Variants in GPR139 observed in about 807,000 individuals in gnomAD.
GPR139 encodes probable G protein-coupled receptor 139.
GPR139 carries 12 observed loss-of-function variants against 25.8 expected under a neutral mutation model. The ratio of observed to expected loss-of-function variants is 0.47; its 90% CI spans 0.30 to 0.75. The LOEUF is 0.75. Among genes scored for constraint, GPR139 ranks in the 30% least tolerant of loss-of-function variants. GPR139 has a pLI of 0.07. For missense variants in GPR139, 380 were observed against 450.2 expected, an observed-to-expected ratio of 0.84 and a Z score of 1.41; for synonymous variants, 184 against 179.9, an observed-to-expected ratio of 1.02 and a Z score of -0.18.
chr16:20,065,827 C>T (rs547365202), intron 1 of GPR139, among the ~76,000 whole-genome samples: 7 of 149,490 alleles, frequency 4.7e-5, no homozygotes, highest in Admixed American at 2.0e-4. Flanking sequence ...GAGCTGAAAT[C>T]GCGCCACTGC....
At position 20,042,364 on chromosome 16, in the gene GPR139, G is replaced by A. The variant is rs148483787; in HGVS notation, c.128-9695C>T. Among the ~76,000 whole-genome samples, 1,335 of 152,230 alleles carry A rather than the reference G, an allele frequency of 8.8e-3. 24 individuals are homozygous for A. The highest frequency in any genetic ancestry group is 0.031 in the African/African-American group (1,267 of 41,518). On this transcript the variant is annotated intron_variant, in intron 1 of 1. Coordinates refer to ENST00000570682, the MANE Select transcript of GPR139 (RefSeq NM_001002911.4). ...GCAAAGATGAGTAGGAGAGAGTCAA[G>A]CTCTCAAGGAATCCCAGCAAAGATT...
At chr16:20,032,729 T>C in intron 1 of GPR139, 60 bp from the exon 2 acceptor site, 1 of 1,291,778 alleles carries the variant, frequency 7.7e-7, no homozygotes, top group Non-Finnish European at 1.1e-6. Flanking sequence ...TTGGCTCCTA[T>C]GGGGGCCCTA....
intron 1 of GPR139, among the ~76,000 whole-genome samples, chr16:20,036,481 A>G (rs942001528): frequency 1.9e-4 from 29 of 152,228 alleles, no homozygotes; most frequent in Non-Finnish European, 3.5e-4. Context: ...TAATTGACTC[A>G]CAGTTCCACC....
intron 1 of GPR139, among the ~76,000 whole-genome samples, chr16:20,052,074 C>G (rs2057374171): frequency 6.6e-6 from 1 of 152,228 alleles, no homozygotes; most frequent in Admixed American, 6.5e-5. Context: ...CATATGTGGG[C>G]TGAAAGAAAC....
At chr16:20,038,272 C>CTA (rs905396834) in intron 1 of GPR139, among the ~76,000 whole-genome samples, 4 of 150,182 alleles carry the variant, frequency 2.7e-5, no homozygotes, top group South Asian at 2.1e-4. Flanking sequence ...AGAAAAAGTG[C>CTA]TATATATATA....
At chr16:20,060,394 G>A (rs1420139283) in intron 1 of GPR139, among the ~76,000 whole-genome samples, 2 of 151,874 alleles carry the variant, frequency 1.3e-5, no homozygotes, top group East Asian at 1.9e-4. Flanking sequence ...GTCTATATGT[G>A]TGTGTGTCTC....
At chr16:20,055,018 G>A (rs2057384198) in intron 1 of GPR139, among the ~76,000 whole-genome samples, 2 of 152,260 alleles carry the variant, frequency 1.3e-5, no homozygotes, top group African/African-American at 4.8e-5. Flanking sequence ...GTGAACCACT[G>A]TGCCCAGCCC....
At chr16:20,055,576 A>G (rs2057386101) in intron 1 of GPR139, among the ~76,000 whole-genome samples, 1 of 152,230 alleles carries the variant, frequency 6.6e-6, no homozygotes, top group Non-Finnish European at 1.5e-5. Flanking sequence ...TCCTTTCAGA[A>G]AAAACAGTTA....
chr16:20,066,632 G>A (rs1359263593), intron 1 of GPR139, among the ~76,000 whole-genome samples: 1 of 152,180 alleles, frequency 6.6e-6, no homozygotes, highest in East Asian at 1.9e-4. Flanking sequence ...AAAACAATGC[G>A]AGTTACTATT....
chr16:20,072,527 T>C (rs1045102989), intron 1 of GPR139, among the ~76,000 whole-genome samples: 1 of 152,144 alleles, frequency 6.6e-6, no homozygotes, highest in Non-Finnish European at 1.5e-5. Context: ...AAGTAATCTT[T>C]AGGGATCTAT....
rs1370129400 is a variant in GPR139 at position 20,030,380 on chromosome 16, T to A, written c.*1355A>T. ...AATACTGGGAATCTGAGGGAGAAGT[T>A]AAAAAAAAAAGAAGAAAAAAGAAAC... On this transcript the variant is annotated 3_prime_UTR_variant, in exon 2 of 2. Transcript: ENST00000570682. Among the ~76,000 whole-genome samples the A allele has an allele frequency of 6.8e-6, 1 of 147,204 alleles. No homozygotes were observed. The highest frequency in any genetic ancestry group is 1.5e-5 in the Non-Finnish European group (1 of 66,504).
intron 1 of GPR139, among the ~76,000 whole-genome samples, chr16:20,048,672 G>T (rs1484371345): frequency 6.6e-6 from 1 of 152,150 alleles, no homozygotes; most frequent in Non-Finnish European, 1.5e-5. Flanking sequence ...GCCAACTGTG[G>T]TCAGGTCTTC....
rs1052566011 is a variant in GPR139, at chr16:20,030,070, C to A, written c.*1665G>T. ...CTTTAAAAGGGGTAAGAATTAGGAT[C>A]ATCAGGACTAATATGACCTAAGTTT... On this transcript the variant is annotated 3_prime_UTR_variant, in exon 2 of 2. Transcript: ENST00000570682. Among the ~76,000 whole-genome samples the A allele has an allele frequency of 2.0e-5, 3 of 152,142 alleles. No individual in the cohort carries two copies. The highest frequency in any genetic ancestry group is 4.4e-5 in the Non-Finnish European group (3 of 68,028).
At chr16:20,060,835 G>C (rs1056931568) in intron 1 of GPR139, among the ~76,000 whole-genome samples, 1 of 151,940 alleles carries the variant, frequency 6.6e-6, no homozygotes, top group Non-Finnish European at 1.5e-5. Context: ...TCCTGCCTCA[G>C]GGTTATGGCA....
chr16:20,051,517 G>C (rs1288487912), intron 1 of GPR139, among the ~76,000 whole-genome samples: 2 of 152,196 alleles, frequency 1.3e-5, no homozygotes, highest in Non-Finnish European at 2.9e-5. Context: ...CAGGGAACAG[G>C]CCATGCCCAG....
At chr16:20,050,052 A>G (rs1245519784) in intron 1 of GPR139, among the ~76,000 whole-genome samples, 4 of 152,246 alleles carry the variant, frequency 2.6e-5, no homozygotes, top group Non-Finnish European at 5.9e-5. Flanking sequence ...CTGAAGAACC[A>G]GTTTCTGCCC....
chr16:20,042,957 A>T (rs1022736063), intron 1 of GPR139, among the ~76,000 whole-genome samples: 1 of 152,152 alleles, frequency 6.6e-6, no homozygotes, highest in Non-Finnish European at 1.5e-5. Flanking sequence ...GATGGAACAC[A>T]TGTTGTGAAT....
rs2057280132 is a variant in GPR139, at chr16:20,029,643, G to A, written c.*2092C>T. Reference sequence around the variant, plus strand: ...CAGAGAGAAATGCAATTTAAGGGAGGTGAGGGAATCTGCTTACCATTCCAC... The same window carrying A: ...CAGAGAGAAATGCAATTTAAGGGAGATGAGGGAATCTGCTTACCATTCCAC... On this transcript the variant is annotated 3_prime_UTR_variant, in exon 2 of 2. Transcript: ENST00000570682. Among the ~76,000 whole-genome samples the A allele has an allele frequency of 6.6e-6, 1 of 152,104 alleles. No homozygotes were observed. The highest frequency in any genetic ancestry group is 2.1e-4 in the South Asian group (1 of 4,816).
At chr16:20,041,217 AGAG>A (rs2057331918) in intron 1 of GPR139, among the ~76,000 whole-genome samples, 1 of 2,786 alleles carries the variant, frequency 3.6e-4, no homozygotes, top group African/African-American at 2.0e-3. Flanking sequence ...AGAGGAGAGG[AGAG>A]GAGAGGAGAG....
Sources: allele counts gnomAD v4.1 joint callset (sites outside exome capture counted in the v4.1 genomes callset), GRCh38; gene constraint gnomAD v4.1.1; transcripts MANE v1.5; gene names NCBI Gene and HGNC (gene_info 2026-07-23, HGNC 2026-07-21).